The following OPN3 variants were observed in gnomAD, a reference collection of about 807,000 sequenced individuals.
OPN3 encodes the protein opsin 3.
In OPN3, 29 loss-of-function variants were observed where a neutral mutation model predicts 33.8. The ratio of observed to expected loss-of-function variants is 0.86; its 90% CI spans 0.64 to 1.17. The LOEUF (loss-of-function observed/expected upper bound fraction) is 1.17. Among genes scored for constraint, OPN3 ranks in the 50% most tolerant of loss-of-function variants. The pLI, the probability that OPN3 is intolerant of heterozygous loss-of-function variation, is 0.00. For missense variants in OPN3, 437 were observed against 514.1 expected (o/e 0.85, Z 1.45); for synonymous variants, 216 against 216.1 (o/e 1.00, Z 0.00).
chr1:241,607,995 GA>G (rs975392712), intron 1 of OPN3, among the ~76,000 whole-genome samples: 194 of 151,072 alleles, frequency 1.3e-3, no homozygotes, highest in African/African-American at 4.5e-3. Flanking sequence ...TAGATTCCTA[GA>G]AAAAAAAATC....
chr1:241,636,926 T>A (rs1664918603), intron 1 of OPN3, among the ~76,000 whole-genome samples: 1 of 150,342 alleles, frequency 6.7e-6, no homozygotes, highest in Non-Finnish European at 1.5e-5. Flanking sequence ...AGACTAACAC[T>A]GTTTGTTCTT....
intron 3 of OPN3, 46 bp from the exon 4 acceptor site, chr1:241,594,737 AC>A (rs1663446917): frequency 1.3e-6 from 2 of 1,586,972 alleles, no homozygotes; most frequent in Admixed American, 3.6e-5. Context: ...AAAGTTGGGC[AC>A]TAATCTGGAT....
chr1:241,606,638 T>G (rs969763912), intron 1 of OPN3, among the ~76,000 whole-genome samples: 1 of 151,446 alleles, frequency 6.6e-6, no homozygotes, highest in Admixed American at 6.6e-5. Context: ...GAATAGCGAG[T>G]GATTACATGA....
At chr1:241,628,175 T>C (rs1664477341) in intron 1 of OPN3, among the ~76,000 whole-genome samples, 1 of 152,096 alleles carries the variant, frequency 6.6e-6, no homozygotes, top group Non-Finnish European at 1.5e-5. Flanking sequence ...GAGACTTCTG[T>C]TTTGTTTTTT....
intron 1 of OPN3, chr1:241,635,989 T>C: frequency 2.0e-6 from 1 of 498,978 alleles, no homozygotes; most frequent in Non-Finnish European, 3.5e-6. Flanking sequence ...AATACTAAAA[T>C]GGATGTGTGG....
chr1:241,614,378 C>T (rs199904517), intron 1 of OPN3, among the ~76,000 whole-genome samples: 1 of 152,128 alleles, frequency 6.6e-6, no homozygotes, highest in East Asian at 1.9e-4. Context: ...GTTTAAAATG[C>T]TGCACTGTTG....
At chr1:241,624,984 T>C (rs564330925) in intron 1 of OPN3, among the ~76,000 whole-genome samples, 11 of 152,342 alleles carry the variant, frequency 7.2e-5, no homozygotes, top group Non-Finnish European at 1.2e-4. Context: ...AAAATAAATA[T>C]AGCAACCATT....
intron 2 of OPN3, among the ~76,000 whole-genome samples, chr1:241,603,994 T>G (rs896918386): frequency 1.3e-5 from 2 of 152,168 alleles, no homozygotes; most frequent in Non-Finnish European, 2.9e-5. Context: ...AATGTAGGGT[T>G]TTTTGGTTGC....
At chr1:241,595,607 T>C (rs1211403826) in intron 3 of OPN3, 2 of 152,238 alleles carry the variant, frequency 1.3e-5, no homozygotes, top group Non-Finnish European at 2.9e-5. Flanking sequence ...CTTTCTCAGA[T>C]TAGGAAATAC....
chr1:241,611,766 T>C (rs1482443382), intron 1 of OPN3, among the ~76,000 whole-genome samples: 1 of 152,250 alleles, frequency 6.6e-6, no homozygotes, highest in African/African-American at 2.4e-5. Flanking sequence ...TTTGTTCACT[T>C]CCATTACAAT....
intron 1 of OPN3, among the ~76,000 whole-genome samples, chr1:241,638,736 A>C (rs1297133214): frequency 6.6e-6 from 1 of 152,194 alleles, no homozygotes; most frequent in Non-Finnish European, 1.5e-5. Context: ...CAATCAAATA[A>C]AATCTATTTT....
chr1:241,605,663 C>A (rs6429282), intron 1 of OPN3, among the ~76,000 whole-genome samples: 90,547 of 152,018 alleles, frequency 0.6, 27,257 homozygotes, highest in Admixed American at 0.67. Flanking sequence ...TGTGAATGCT[C>A]CCACTGCCAC....
intron 2 of OPN3, among the ~76,000 whole-genome samples, chr1:241,602,151 C>T (rs1663694522): frequency 6.6e-6 from 1 of 152,150 alleles, no homozygotes; most frequent in Admixed American, 6.6e-5. Context: ...ACATAGGATG[C>T]TGGGGAGGCC....
Position 241,640,213 on chromosome 1 carries a change from G to T in OPN3, c.42C>A (p.Asp14Glu). The T allele has an allele frequency of 7.4e-7, 1 of 1,357,196 alleles. No homozygotes were observed. The allele number at this position is 1,357,196 out of a possible 1,614,324, so 84.1% of individuals were successfully genotyped here. Residue 14 changes from aspartate to glutamate, a missense_variant, in exon 1 of 4, where the codon GAC becomes GAA. Physicochemically the swap from Asp to Glu is conservative, Grantham distance 45 (BLOSUM62 2). Coordinates refer to ENST00000366554, the MANE Select transcript of OPN3 (RefSeq NM_014322.3). Reference sequence around the variant, plus strand: ...CCTCAGCGCCCGCGGCCCCGCCGCCGTCCCAGTAGCCGTGGCCGCCGCTGC... The same window carrying T: ...CCTCAGCGCCCGCGGCCCCGCCGCCTTCCCAGTAGCCGTGGCCGCCGCTGC... ...GNRSGGHGYW[D>E]GGGAAGAEGP...
At chr1:241,605,503 T>C (rs988002867) in intron 1 of OPN3, among the ~76,000 whole-genome samples, 1 of 152,264 alleles carries the variant, frequency 6.6e-6, no homozygotes, top group Admixed American at 6.5e-5. Context: ...TATATTTCTC[T>C]GTCACCTTCA....
At chr1:241,624,667 C>T (rs1197074299) in intron 1 of OPN3, among the ~76,000 whole-genome samples, 1 of 152,200 alleles carries the variant, frequency 6.6e-6, no homozygotes, top group Non-Finnish European at 1.5e-5. Flanking sequence ...ATACCTACCT[C>T]ACAGAGCTGC....
At chr1:241,608,799 A>G (rs1228208223) in intron 1 of OPN3, among the ~76,000 whole-genome samples, 1 of 152,236 alleles carries the variant, frequency 6.6e-6, no homozygotes, top group Non-Finnish European at 1.5e-5. Context: ...ATGTTAGTAC[A>G]GATCTAGCAA....
intron 2 of OPN3, chr1:241,600,464 G>A (rs1374956947): frequency 1.3e-5 from 2 of 152,140 alleles, no homozygotes; most frequent in Non-Finnish European, 2.9e-5. Flanking sequence ...GCACAAATTT[G>A]TCCTAAAGAA....
chr1:241,604,446 TGCCCAC>T lies in OPN3; in HGVS notation c.501_506del (p.Trp168_Ala169del). On this transcript the variant is annotated inframe_deletion, in exon 2 of 4. Transcript: ENST00000366554. ...TGTTCCATCCCAGGAGAGGTGCTCC[TGCCCAC>T]GCCAGTGAGTAGAGCCAGATGTAGG... 1 of 1,614,192 alleles carries T rather than the reference TGCCCAC, an allele frequency of 6.2e-7. No individual in the cohort carries two copies. Among genetic ancestry groups the T allele is most frequent in the Non-Finnish European group, 8.5e-7 (1 of 1,180,032 alleles).
Sources: gnomAD v4.1 joint callset for allele counts (sites outside exome capture counted in the v4.1 genomes callset) on GRCh38, gnomAD v4.1.1 for gene constraint, MANE v1.5 for transcripts, NCBI Gene and HGNC (gene_info 2026-07-23, HGNC 2026-07-21) for gene names.